Variants in RAB10 observed in about 807,000 individuals in gnomAD.
The protein encoded by RAB10 is RAB10, member RAS oncogene family.
Under a neutral mutation model 25.7 loss-of-function variants are expected in RAB10, and 5 were observed. That is an observed-to-expected ratio of 0.19 (90% CI 0.10 to 0.41). RAB10 has a LOEUF of 0.41. RAB10 is among the 10% of genes least tolerant of loss of function. RAB10 has a pLI of 1.00. For missense variants in RAB10, 103 were observed against 245.8 expected (o/e 0.42, Z 3.89); for synonymous variants, 89 against 86.4 (o/e 1.03, Z -0.16).
chr2:26,119,493 G>A (rs1667759309), intron 3 of RAB10, among the ~76,000 whole-genome samples: 1 of 150,902 alleles, frequency 6.6e-6, no homozygotes, highest in Admixed American at 6.6e-5. Flanking sequence ...TCAAAGAAGT[G>A]TATCCCAAGT....
At chr2:26,091,632 G>A (rs538619995) in intron 1 of RAB10, among the ~76,000 whole-genome samples, 1 of 152,138 alleles carries the variant, frequency 6.6e-6, no homozygotes, top group African/African-American at 2.4e-5. Flanking sequence ...CTAATAAGCA[G>A]TTGGGTATCT....
At chr2:26,107,566 C>A (rs1024087732) in intron 2 of RAB10, among the ~76,000 whole-genome samples, 3 of 152,098 alleles carry the variant, frequency 2.0e-5, no homozygotes, top group Non-Finnish European at 4.4e-5. Flanking sequence ...GAGGCTGAGG[C>A]GGGCTGATCA....
intron 1 of RAB10, among the ~76,000 whole-genome samples, chr2:26,053,641 A>T (rs1451372420): frequency 6.6e-6 from 1 of 151,974 alleles, no homozygotes; most frequent in Non-Finnish European, 1.5e-5. Context: ...TTGTTCATCT[A>T]CCTCTTTATA....
chr2:26,039,789 G>T (rs1382388039), intron 1 of RAB10, among the ~76,000 whole-genome samples: 1 of 151,860 alleles, frequency 6.6e-6, no homozygotes, highest in Non-Finnish European at 1.5e-5. Context: ...TAGGTGGGAG[G>T]ATTGCTTGGG....
chr2:26,127,072 A>T, intron 3 of RAB10, 72 bp from the exon 4 acceptor site: 1 of 1,163,776 alleles, frequency 8.6e-7, no homozygotes, highest in Non-Finnish European at 1.2e-6. Flanking sequence ...TTGAGAGAAT[A>T]AAGTCACTTT....
intron 5 of RAB10, among the ~76,000 whole-genome samples, chr2:26,130,045 A>T (rs922098124): frequency 3.3e-5 from 5 of 152,314 alleles, no homozygotes; most frequent in Admixed American, 3.3e-4. Context: ...GCACTCCAAG[A>T]GAGTGATGGT....
At chr2:26,122,277 C>G (rs568340390) in intron 3 of RAB10, among the ~76,000 whole-genome samples, 3 of 152,228 alleles carry the variant, frequency 2.0e-5, no homozygotes, top group Admixed American at 6.5e-5. Context: ...TACAGAATAC[C>G]TTTTTATCTC....
At chr2:26,043,975 T>G (rs1665943333) in intron 1 of RAB10, among the ~76,000 whole-genome samples, 2 of 152,216 alleles carry the variant, frequency 1.3e-5, no homozygotes, top group South Asian at 4.1e-4. Flanking sequence ...TAATGGTGAT[T>G]ACCAGGGGCT....
intron 3 of RAB10, among the ~76,000 whole-genome samples, chr2:26,117,676 A>G (rs1408861116): frequency 6.6e-6 from 1 of 152,044 alleles, no homozygotes; most frequent in African/African-American, 2.4e-5. Flanking sequence ...AGTTGTTAAC[A>G]TGTAAATAAA....
intron 2 of RAB10, among the ~76,000 whole-genome samples, chr2:26,099,532 GTTTTTTTTTTTTTTT>G (rs70950167): frequency 1.7e-3 from 127 of 73,344 alleles, no homozygotes; most frequent in African/African-American, 7.3e-3. Flanking sequence ...GTTTTTTTGG[GTTTTTTTTTTTTTTT>G]TTTTTTTTTT....
intron 1 of RAB10, among the ~76,000 whole-genome samples, chr2:26,065,094 C>T (rs2149268541): frequency 6.6e-6 from 1 of 152,198 alleles, no homozygotes; most frequent in East Asian, 1.9e-4. Context: ...GATAATAAGT[C>T]ACATGGTCAT....
At chr2:26,063,237 A>G (rs1213413201) in intron 1 of RAB10, among the ~76,000 whole-genome samples, 1 of 152,156 alleles carries the variant, frequency 6.6e-6, no homozygotes, top group Non-Finnish European at 1.5e-5. Flanking sequence ...GACTCCAGTC[A>G]TGTTGGACAG....
intron 3 of RAB10, among the ~76,000 whole-genome samples, chr2:26,110,575 A>T (rs1667550266): frequency 6.6e-6 from 1 of 152,198 alleles, no homozygotes; most frequent in Non-Finnish European, 1.5e-5. Context: ...GTAATTTTTT[A>T]AAACTTTATT....
chr2:26,074,413 T>A (rs1173845014), intron 1 of RAB10, among the ~76,000 whole-genome samples: 3 of 152,180 alleles, frequency 2.0e-5, no homozygotes, highest in African/African-American at 7.2e-5. Context: ...TTTATTTTTT[T>A]AATTTTAATA....
intron 1 of RAB10, among the ~76,000 whole-genome samples, chr2:26,051,012 G>A (rs567088562): frequency 6.6e-5 from 10 of 152,044 alleles, no homozygotes; most frequent in Admixed American, 1.3e-4. Flanking sequence ...TCAACCTCCC[G>A]GGCTCAAGAG....
intron 5 of RAB10, among the ~76,000 whole-genome samples, chr2:26,130,418 A>G (rs1667989110): frequency 6.6e-6 from 1 of 151,416 alleles, no homozygotes; most frequent in Non-Finnish European, 1.5e-5. Context: ...CCTGGCCTCC[A>G]GTGATACACT....
intron 1 of RAB10, among the ~76,000 whole-genome samples, chr2:26,095,732 T>C (rs1471996119): frequency 6.6e-6 from 1 of 151,886 alleles, no homozygotes; most frequent in Non-Finnish European, 1.5e-5. Context: ...GGCAACATAT[T>C]GGGACGTCGT....
intron 1 of RAB10, among the ~76,000 whole-genome samples, chr2:26,075,614 TCAG>T (rs1666716919): frequency 6.6e-6 from 1 of 152,046 alleles, no homozygotes; most frequent in African/African-American, 2.4e-5. Context: ...GGTAAACAAA[TCAG>T]CAGGAATTTA....
At chr2:26,088,336 G>A (rs1667030039) in intron 1 of RAB10, among the ~76,000 whole-genome samples, 1 of 152,176 alleles carries the variant, frequency 6.6e-6, no homozygotes, top group South Asian at 2.1e-4. Flanking sequence ...AAATACTCTT[G>A]AGCTGGGCCC....
Sources: allele counts gnomAD v4.1 joint callset (sites outside exome capture counted in the v4.1 genomes callset), GRCh38; gene constraint gnomAD v4.1.1; transcripts MANE v1.5; gene names NCBI Gene and HGNC (gene_info 2026-07-23, HGNC 2026-07-21).